The following PSG7 variants were observed in gnomAD, a reference collection of about 807,000 sequenced individuals.
The protein encoded by PSG7 is pregnancy specific beta-1-glycoprotein 7, also known as pregnancy-specific beta-1-glycoprotein 7.
A neutral mutation model predicts 45.6 loss-of-function variants in PSG7; 57 were observed. That is an observed-to-expected ratio of 1.25 (90% CI 1.01 to 1.56). The LOEUF (loss-of-function observed/expected upper bound fraction) is 1.56. Among genes scored for constraint, PSG7 ranks in the 40% most tolerant of loss-of-function variants. The pLI is 0.00. For missense variants in PSG7, 796 were observed against 508.4 expected, an observed-to-expected ratio of 1.57 and a Z score of -5.44; for synonymous variants, 298 against 194.4, an observed-to-expected ratio of 1.53 and a Z score of -4.43.
intron 2 of PSG7, among the ~76,000 whole-genome samples, chr19:42,933,789 A>G (rs1188453586): frequency 1.3e-5 from 2 of 151,096 alleles, no homozygotes; most frequent in Non-Finnish European, 3.0e-5. Context: ...CCCAGGGACA[A>G]GGTGCCCCCA....
intron 3 of PSG7, chr19:42,927,193 C>A (rs982414948): frequency 8.9e-5 from 16 of 180,340 alleles, no homozygotes; most frequent in African/African-American, 2.1e-4. Flanking sequence ...TGAAACCCTG[C>A]AGATACTGAG....
chr19:42,924,872 T>C (rs1247462631), intron 5 of PSG7, 48 bp from the exon 6 acceptor site: 1 of 764,194 alleles, frequency 1.3e-6, no homozygotes, highest in African/African-American at 1.7e-5. Context: ...AGCTGCAATC[T>C]CATAACAGGT....
rs377058796 is a variant in PSG7 at position 42,937,035 on chromosome 19, G to C, written c.42C>G (p.Thr14=). The C allele has an allele frequency of 6.2e-6, 10 of 1,611,522 alleles. 1 individual carries two copies. The East Asian group carries it at 2.0e-4, about 32-fold the overall frequency. The change falls in exon 1 of 6, where the codon ACC becomes ACG. Residue 14 remains threonine, a synonymous_variant. Coordinates refer to ENST00000406070, the MANE Select transcript of PSG7 (RefSeq NM_002783.3). ...CACCTGTGAGCAGGAGCCCTTTCCA[G>C]GTTATATGCTGTGTGCAGGGAGGGG... ...LSAPPCTQHI[T]WKGLLLTASL... is the part of the protein sequence containing the mutation.
In PSG7 at chr19:42,925,753, G is replaced by A; in HGVS notation, c.1243+20C>T. ...ACTGCACCTAAAACCCTATTGCCAAGGATGCTGGGATCCACTTACCAGAGA... is the reference window on the plus strand; with the variant it reads ...ACTGCACCTAAAACCCTATTGCCAAAGATGCTGGGATCCACTTACCAGAGA... On this transcript the variant is annotated intron_variant, in intron 5 of 5. Coordinates refer to ENST00000406070, the MANE Select transcript of PSG7 (RefSeq NM_002783.3). The A allele has an allele frequency of 6.2e-7, 1 of 1,611,764 alleles. No homozygotes were observed. The highest frequency in any genetic ancestry group is 8.5e-7 in the Non-Finnish European group (1 of 1,178,906).
intron 2 of PSG7, among the ~76,000 whole-genome samples, chr19:42,933,957 C>G (rs537911669): frequency 6.6e-6 from 1 of 151,532 alleles, no homozygotes; most frequent in East Asian, 1.9e-4. Context: ...GCTAGAAACT[C>G]CTGGGATTCT....
chr19:42,926,278 G>A, intron 4 of PSG7, 160 bp downstream of exon 4: 2 of 1,464,002 alleles, frequency 1.4e-6, no homozygotes, highest in Non-Finnish European at 1.8e-6. Context: ...TGCCTACCCA[G>A]GTTTTCCCAG....
At chr19:42,933,518 G>A (rs1342489427) in intron 2 of PSG7, among the ~76,000 whole-genome samples, 1 of 148,950 alleles carries the variant, frequency 6.7e-6, no homozygotes, top group African/African-American at 2.5e-5. Flanking sequence ...AGCCTGGCAG[G>A]AGTGGCAACT....
rs764116872 is a variant in PSG7, at chr19:42,929,393, G to T, written c.709+49C>A. ...ACTGAGAAGCCCGGCCTCTGGCCATGTGTATTTGGGATGGCAGCCTGGCTA... is the reference window on the plus strand; with the variant it reads ...ACTGAGAAGCCCGGCCTCTGGCCATTTGTATTTGGGATGGCAGCCTGGCTA... On this transcript the variant is annotated intron_variant, in intron 3 of 5. Coordinates refer to ENST00000406070, the MANE Select transcript of PSG7 (RefSeq NM_002783.3). 24 of 1,611,710 alleles carry T rather than the reference G, an allele frequency of 1.5e-5. 1 individual carries two copies. In the South Asian group the frequency reaches 2.3e-4, roughly 16 times the overall value.
intron 2 of PSG7, among the ~76,000 whole-genome samples, chr19:42,932,833 G>T (rs1374342865): frequency 2.6e-5 from 4 of 151,536 alleles, no homozygotes; most frequent in East Asian, 1.9e-4. Flanking sequence ...TAAAATGTTG[G>T]CACAGTTTCT....
chr19:42,936,396 G>C (rs1315818536), intron 1 of PSG7: 2 of 156,768 alleles, frequency 1.3e-5, no homozygotes, highest in African/African-American at 2.4e-5. Context: ...CAATTGTTGA[G>C]GTTTTTTGCT....
intron 1 of PSG7, 146 bp from the exon 2 acceptor site, chr19:42,935,915 A>ACAAAC (rs1568461441): frequency 1.2e-4 from 39 of 322,546 alleles, no homozygotes; most frequent in East Asian, 7.2e-4. Flanking sequence ...CACACACACA[A>ACAAAC]ACACACACAC....
intron 2 of PSG7, among the ~76,000 whole-genome samples, chr19:42,934,706 C>T (rs2122697595): frequency 6.6e-6 from 1 of 151,768 alleles, no homozygotes; most frequent in East Asian, 1.9e-4. Flanking sequence ...CTTCTCTCTT[C>T]TGTTTCTGCT....
rs564998357 is a variant in PSG7, at chr19:42,924,226, C to G, written c.*582G>C. On this transcript the variant is annotated 3_prime_UTR_variant, in exon 6 of 6. Transcript: ENST00000406070. Reference sequence around the variant, plus strand: ...TAGGAAATGGTGAGAGCCATCCACACAATGTGCATTTAAAGGGGAGTCTAC... The same window carrying G: ...TAGGAAATGGTGAGAGCCATCCACAGAATGTGCATTTAAAGGGGAGTCTAC... 1 of 213,472 alleles carries G rather than the reference C, an allele frequency of 4.7e-6. No individual in the cohort carries two copies. Among genetic ancestry groups the G allele is most frequent in the Non-Finnish European group, 9.2e-6 (1 of 108,938 alleles). 13.2% of individuals were successfully genotyped at this position (213,472 alleles called of 1,614,324 possible).
At chr19:42,932,580 C>T (rs139260674) in intron 2 of PSG7, among the ~76,000 whole-genome samples, 1 of 151,468 alleles carries the variant, frequency 6.6e-6, no homozygotes, top group South Asian at 2.1e-4. Flanking sequence ...AAGATTACAA[C>T]AGTGACAGCA....
chr19:42,927,034 G>T, intron 3 of PSG7: 1 of 423,938 alleles, frequency 2.4e-6, no homozygotes, highest in Non-Finnish European at 4.1e-6. Flanking sequence ...TTGACTGGCT[G>T]GCTCACCCTG....
Position 42,924,271 on chromosome 19 carries a change from CT to C in PSG7, c.*536del, listed in dbSNP as rs1304849595. On this transcript the variant is annotated 3_prime_UTR_variant, in exon 6 of 6. Transcript: ENST00000406070. Reference sequence around the variant, plus strand: ...GTCTACTATAATTTCAGCTTTCCTACTCTTTATAGAAACCATCTTCTCTGCA... The same window carrying C: ...GTCTACTATAATTTCAGCTTTCCTACCTTTATAGAAACCATCTTCTCTGCA... 2 of 280,348 alleles carry C rather than the reference CT, an allele frequency of 7.1e-6. No homozygotes were observed. The highest frequency in any genetic ancestry group is 1.3e-5 in the Non-Finnish European group (2 of 151,672). 17.4% of individuals were successfully genotyped at this position (280,348 alleles called of 1,614,324 possible).
rs1485572764 is a variant in PSG7 at position 42,935,642 on chromosome 19, G to A, written c.192C>T (p.Gly64=). ...TGATTTGTCCTTTGTACCAGATGTA[G>A]CCAGTAAGATTCTGGGGCAAATTGT... The part of the protein sequence containing the change: ...LVHNLPQNLT[G]YIWYKGQIRD... The change falls in exon 2 of 6, where the codon GGC becomes GGT. Residue 64 remains glycine (G), a synonymous_variant. Transcript: ENST00000406070. 1.9e-6 allele frequency: 3 copies of A among 1,612,112 alleles called. No homozygotes were observed. The Admixed American group carries it at 5.0e-5, about 27-fold the overall frequency.
At chr19:42,925,526 C>T in intron 5 of PSG7, 1 of 1,013,008 alleles carries the variant, frequency 9.9e-7, no homozygotes, top group Non-Finnish European at 1.4e-6. Flanking sequence ...TCATTATTAT[C>T]AATTATTTCA....
chr19:42,931,319 A>T (rs1973014452), intron 2 of PSG7, among the ~76,000 whole-genome samples: 1 of 150,510 alleles, frequency 6.6e-6, no homozygotes. Flanking sequence ...GGATCACATT[A>T]TGCTCAAAGA....
Sources: allele counts gnomAD v4.1 joint callset (sites outside exome capture counted in the v4.1 genomes callset), GRCh38; gene constraint gnomAD v4.1.1; transcripts MANE v1.5; gene names NCBI Gene and HGNC (gene_info 2026-07-23, HGNC 2026-07-21).